NIBAN2: variants seen among roughly 807,000 people sequenced by gnomAD.
NIBAN2 encodes the protein protein Niban 2.
NIBAN2 carries 36 observed loss-of-function variants against 81.8 expected under a neutral mutation model. That is an observed-to-expected ratio of 0.44 (90% CI 0.34 to 0.58). The LOEUF (loss-of-function observed/expected upper bound fraction) is 0.58. Among genes scored for constraint, NIBAN2 ranks in the 20% least tolerant of loss-of-function variants. The probability of loss-of-function intolerance (pLI) is 0.02; values close to 1 mark genes in which losing one functional copy is unlikely to be tolerated. For synonymous variants in NIBAN2, 445 were observed against 441.6 expected, an observed-to-expected ratio of 1.01 and a Z score of -0.10; for missense variants, 897 against 1,014.1, an observed-to-expected ratio of 0.88 and a Z score of 1.57.
intron 1 of NIBAN2, among the ~76,000 whole-genome samples, chr9:127,533,774 G>A (rs986967108): frequency 1.3e-5 from 2 of 152,268 alleles, no homozygotes; most frequent in East Asian, 1.9e-4. Context: ...AGTACAGAGT[G>A]AACTTCATTT....
chr9:127,561,647 A>C (rs537049724), intron 1 of NIBAN2, among the ~76,000 whole-genome samples: 2 of 152,290 alleles, frequency 1.3e-5, no homozygotes, highest in African/African-American at 4.8e-5. Context: ...CAGGCTTACC[A>C]TCCACCACGT....
chr9:127,577,970 C>T (rs1490889421), intron 1 of NIBAN2, among the ~76,000 whole-genome samples: 2 of 151,938 alleles, frequency 1.3e-5, no homozygotes, highest in Non-Finnish European at 2.9e-5. Flanking sequence ...GCAGGTGGCT[C>T]ACAATGTCAG....
chr9:127,519,151 G>A (rs1330061269), intron 5 of NIBAN2, among the ~76,000 whole-genome samples: 6 of 143,830 alleles, frequency 4.2e-5, no homozygotes, highest in Admixed American at 1.4e-4. Flanking sequence ...CTCTAGCCTG[G>A]GCAACAGAGT....
At chr9:127,549,546 A>T (rs1422362837) in intron 1 of NIBAN2, among the ~76,000 whole-genome samples, 11 of 152,194 alleles carry the variant, frequency 7.2e-5, no homozygotes, top group Non-Finnish European at 1.6e-4. Context: ...ACACACATGC[A>T]TGCTGCTGCC....
chr9:127,577,265 G>A (rs367620920), intron 1 of NIBAN2, among the ~76,000 whole-genome samples: 25 of 152,120 alleles, frequency 1.6e-4, no homozygotes, highest in Admixed American at 5.2e-4. Context: ...CCGAGATTGC[G>A]CCACTGTACT....
At position 127,520,924 on chromosome 9, in the gene NIBAN2, T is replaced by C. The variant is rs116966833; in HGVS notation, c.589+2755A>G. Reference sequence around the variant, plus strand: ...AGAAAAAGAAAAAAAGAAAAGTACATTTCTTCTTGAAAGAAGAGAAAACAC... The same window carrying C: ...AGAAAAAGAAAAAAAGAAAAGTACACTTCTTCTTGAAAGAAGAGAAAACAC... On this transcript the variant is annotated intron_variant, in intron 5 of 13. Transcript: ENST00000373312. Among the ~76,000 whole-genome samples, 578 of 152,176 alleles carry C rather than the reference T, an allele frequency of 3.8e-3. 6 individuals are homozygous for C. The East Asian group carries it at 0.043, about 11-fold the overall frequency.
intron 1 of NIBAN2, among the ~76,000 whole-genome samples, chr9:127,532,014 CAG>C (rs1427656925): frequency 1.3e-5 from 2 of 152,226 alleles, no homozygotes; most frequent in South Asian, 2.1e-4. Flanking sequence ...TGGCCATAGA[CAG>C]AGAATCAAAC....
At position 127,508,196 on chromosome 9, in the gene NIBAN2, T is replaced by C; in HGVS notation, c.1439A>G (p.Tyr480Cys). The C allele has an allele frequency of 6.2e-7, 1 of 1,612,916 alleles. No homozygotes were observed. The highest frequency in any genetic ancestry group is 8.5e-7 in the Non-Finnish European group (1 of 1,179,458). The change falls in exon 12 of 14, where the codon TAC becomes TGC. Residue 480 changes from tyrosine (Y) to cysteine (C), a missense_variant. This residue lies in a region of NIBAN2 where 619 missense variants were observed against 691.0 expected (regional missense o/e 0.90). Coordinates refer to ENST00000373312, the MANE Select transcript of NIBAN2 (RefSeq NM_022833.4). The surrounding 1 kb of genome is among the most constrained non-coding windows in gnomAD (Gnocchi z 6.4). ...QRVLERVLKK[Y>C]DYDSSSVRKR... ...CCGCACAGAGCTGCTGTCGTAGTCGTATTTCTGCAGGGAACAAGGGGGTCG... is the reference window on the plus strand; with the variant it reads ...CCGCACAGAGCTGCTGTCGTAGTCGCATTTCTGCAGGGAACAAGGGGGTCG...
chr9:127,568,762 G>T (rs548688059), intron 1 of NIBAN2, 58 bp downstream of exon 1: 16,162 of 1,228,804 alleles, frequency 0.013, 156 homozygotes, highest in South Asian at 0.029. Context: ...CGGGGCGGGG[G>T]CGTGGTCCGG....
At position 127,506,962 on chromosome 9, in the gene NIBAN2, G is replaced by A. The variant is rs1012895792; in HGVS notation, c.2124C>T (p.Asp708=). ...GGTCGCTGGGCTTGGGGGGCCCAAG[G>A]TCCACAGCCTTTCCAGGCAGGAGAT... ...LQHLLPGKAV[D]LGPPKPSDQE... The change falls in exon 14 of 14, where the codon GAC becomes GAT. Residue 708 remains aspartate, a synonymous_variant. Transcript: ENST00000373312. 1.9e-6 allele frequency: 3 copies of A among 1,605,864 alleles called. No individual in the cohort carries two copies. In the African/African-American group the frequency reaches 4.0e-5, roughly 21 times the overall value.
chr9:127,541,711 G>C (rs1837382726), intron 1 of NIBAN2, among the ~76,000 whole-genome samples: 4 of 152,166 alleles, frequency 2.6e-5, no homozygotes, highest in Admixed American at 2.6e-4. Flanking sequence ...GGAAGGAGGA[G>C]GACAGCTGAG....
At chr9:127,558,005 C>T (rs577957367) in intron 1 of NIBAN2, among the ~76,000 whole-genome samples, 1 of 152,060 alleles carries the variant, frequency 6.6e-6, no homozygotes, top group Non-Finnish European at 1.5e-5. Flanking sequence ...CCAGGAGAGT[C>T]CTAGGGGGTC....
intron 1 of NIBAN2, among the ~76,000 whole-genome samples, chr9:127,565,543 G>C (rs1317225799): frequency 1.3e-5 from 2 of 151,780 alleles, no homozygotes; most frequent in Non-Finnish European, 2.9e-5. Context: ...CTATAATCTT[G>C]GCACTTTGGG....
chr9:127,561,655 C>T (rs375044134), intron 1 of NIBAN2, among the ~76,000 whole-genome samples: 2 of 152,260 alleles, frequency 1.3e-5, no homozygotes, highest in Non-Finnish European at 2.9e-5. Context: ...CCATCCACCA[C>T]GTCACCAGGC....
chr9:127,574,640 C>G (rs1177548808), intron 1 of NIBAN2, among the ~76,000 whole-genome samples: 1 of 152,132 alleles, frequency 6.6e-6, no homozygotes, highest in Non-Finnish European at 1.5e-5. Context: ...TCCCCACAAA[C>G]CTGTCAAACC....
At chr9:127,576,748 AT>A (rs61415622) in intron 1 of NIBAN2, among the ~76,000 whole-genome samples, 84 of 145,374 alleles carry the variant, frequency 5.8e-4, no homozygotes, top group South Asian at 2.0e-3. Flanking sequence ...CCTCGTCTCT[AT>A]TTTTTTTTTT....
Position 127,536,085 on chromosome 9 carries a change from G to A in NIBAN2, c.56-4307C>T, listed in dbSNP as rs574238119. On this transcript the variant is annotated intron_variant, in intron 1 of 13. Transcript: ENST00000373312. The surrounding 1 kb of genome is among the most constrained non-coding windows in gnomAD (Gnocchi z 4.0). The stretch of plus-strand genomic sequence containing the variant: ...GGAGGACCATGGGAAACAGGGCCAC[G>A]GATGGCTCCTTGGCAGGGGTAGCCC... Among the ~76,000 whole-genome samples the A allele has an allele frequency of 5.9e-5, 9 of 152,152 alleles. No homozygotes were observed. Among genetic ancestry groups the A allele is most frequent in the Non-Finnish European group, 1.2e-4 (8 of 68,036 alleles).
intron 1 of NIBAN2, among the ~76,000 whole-genome samples, chr9:127,560,076 C>T (rs1837743734): frequency 6.6e-6 from 1 of 152,194 alleles, no homozygotes; most frequent in Non-Finnish European, 1.5e-5. Flanking sequence ...GACTCCCGGC[C>T]TCTTTCTACT....
In NIBAN2 at chr9:127,536,832, G is replaced by A. The variant is rs11789743; in HGVS notation, c.56-5054C>T. ...GGCCATTGTCTACAGGGCCCCACAG[G>A]CCCCCTACCTCCCCTTAGAGGGCAG... On this transcript the variant is annotated intron_variant, in intron 1 of 13. Transcript: ENST00000373312. This position sits in a 1 kb window ranked among gnomAD's most constrained non-coding sequence, Gnocchi z 4.0. 0.11 allele frequency among the ~76,000 whole-genome samples: 16,268 copies of A among 152,186 alleles called. 1,382 individuals carry two copies. The highest frequency in any genetic ancestry group is 0.27 in the Admixed American group (4,053 of 15,280).
Sources: gnomAD v4.1 joint callset for allele counts (sites outside exome capture counted in the v4.1 genomes callset) on GRCh38, gnomAD v4.1.1 for gene constraint, gnomAD v4.1.1 regional missense constraint, Gnocchi (gnomAD v3.1) non-coding constraint, MANE v1.5 for transcripts, NCBI Gene and HGNC (gene_info 2026-07-23, HGNC 2026-07-21) for gene names.